LIMCH1: variants seen among roughly 807,000 people sequenced by gnomAD.
LIMCH1 encodes LIM and calponin homology domains 1.
Under a neutral mutation model 176.5 loss-of-function variants are expected in LIMCH1, and 113 were observed. The ratio of observed to expected loss-of-function variants is 0.64; its 90% CI spans 0.55 to 0.75. LIMCH1 has a LOEUF of 0.75. Among genes scored for constraint, LIMCH1 ranks in the 30% least tolerant of loss-of-function variants. The probability of loss-of-function intolerance (pLI) is 0.00; values close to 1 mark genes in which losing one functional copy is unlikely to be tolerated. For synonymous variants in LIMCH1, 619 were observed against 645.9 expected (o/e 0.96, Z 0.63); for missense variants, 1,674 against 1,814.9 (o/e 0.92, Z 1.41).
intron 2 of LIMCH1, among the ~76,000 whole-genome samples, chr4:41,500,920 A>T (rs1469426322): frequency 6.6e-6 from 1 of 152,200 alleles, no homozygotes; most frequent in Non-Finnish European, 1.5e-5. Context: ...TTGAGACCAG[A>T]TGGAGACAAA....
intron 3 of LIMCH1, among the ~76,000 whole-genome samples, chr4:41,530,387 C>T (rs1353620787): frequency 6.6e-6 from 1 of 152,198 alleles, no homozygotes; most frequent in Non-Finnish European, 1.5e-5. Flanking sequence ...TGTGCCTCAA[C>T]TCATCCTGAT....
At chr4:41,436,445 A>G (rs779252909) in intron 1 of LIMCH1, among the ~76,000 whole-genome samples, 7 of 152,154 alleles carry the variant, frequency 4.6e-5, no homozygotes, top group Admixed American at 3.3e-4. Flanking sequence ...TAATGTCCAT[A>G]TGTTGGGGAC....
At chr4:41,422,139 T>A (rs1448112607) in intron 1 of LIMCH1, among the ~76,000 whole-genome samples, 1 of 152,116 alleles carries the variant, frequency 6.6e-6, no homozygotes, top group Non-Finnish European at 1.5e-5. Context: ...ATTAGAGACT[T>A]TTCTCAATGG....
At chr4:41,510,619 A>T (rs115141565) in intron 2 of LIMCH1, among the ~76,000 whole-genome samples, 439 of 151,156 alleles carry the variant, frequency 2.9e-3, no homozygotes, top group Non-Finnish European at 5.2e-3. Context: ...ATGGAGTTTC[A>T]TTCTTGTCGC....
At chr4:41,547,861 G>GTATA (rs746652816) in intron 1 of LIMCH1, among the ~76,000 whole-genome samples, 2,464 of 84,550 alleles carry the variant, frequency 0.029, 30 homozygotes, top group South Asian at 0.045. Flanking sequence ...ATTTGTGTGT[G>GTATA]TGTATATATA....
At chr4:41,624,095 T>C (rs569188152) in intron 7 of LIMCH1, among the ~76,000 whole-genome samples, 5 of 152,336 alleles carry the variant, frequency 3.3e-5, no homozygotes, top group African/African-American at 9.6e-5. Flanking sequence ...TTCCCCTGAA[T>C]TAAAATGCCA....
In LIMCH1 at chr4:41,451,377, C is replaced by T. The variant is rs193086140; in HGVS notation, c.97-43159C>T. On this transcript the variant is annotated intron_variant, in intron 1 of 26. Transcript: ENST00000313860. ...CTGACCTCAGGTAATCTGCCTGCCTCGGCCTCCCAAAGTGCTGGGATTACA... is the reference window on the plus strand; with the variant it reads ...CTGACCTCAGGTAATCTGCCTGCCTTGGCCTCCCAAAGTGCTGGGATTACA... Among the ~76,000 whole-genome samples the T allele has an allele frequency of 4.6e-5, 7 of 152,124 alleles. No homozygotes were observed. The East Asian group carries it at 1.2e-3, about 25-fold the overall frequency.
intron 1 of LIMCH1, among the ~76,000 whole-genome samples, chr4:41,429,860 G>C (rs2061439699): frequency 7.0e-6 from 1 of 142,898 alleles, no homozygotes; most frequent in Non-Finnish European, 1.5e-5. Flanking sequence ...CCTGTCACCA[G>C]TTACAAGGGA....
chr4:41,439,423 T>TA (rs1002063342), intron 1 of LIMCH1, among the ~76,000 whole-genome samples: 4 of 151,698 alleles, frequency 2.6e-5, no homozygotes, highest in African/African-American at 9.7e-5. Flanking sequence ...CCCATCTCTA[T>TA]AAAAAATACA....
chr4:41,677,059 A>G (rs2095241198), intron 23 of LIMCH1, among the ~76,000 whole-genome samples: 1 of 151,888 alleles, frequency 6.6e-6, no homozygotes, highest in Non-Finnish European at 1.5e-5. Context: ...GCTACTCGGG[A>G]GGTTGAGACA....
At chr4:41,403,149 T>C (rs16853192) in intron 1 of LIMCH1, among the ~76,000 whole-genome samples, 5,238 of 151,898 alleles carry the variant, frequency 0.034, 286 homozygotes, top group African/African-American at 0.12. Flanking sequence ...AACAGACTAA[T>C]GCTGTAAAAG....
intron 1 of LIMCH1, among the ~76,000 whole-genome samples, chr4:41,598,517 A>C (rs1434720879): frequency 6.6e-6 from 1 of 151,606 alleles, no homozygotes; most frequent in Non-Finnish European, 1.5e-5. Context: ...GCTAAAGATG[A>C]AAAACCTTTT....
intron 21 of LIMCH1, among the ~76,000 whole-genome samples, chr4:41,667,022 G>A (rs1389250456): frequency 1.3e-5 from 2 of 151,964 alleles, no homozygotes; most frequent in Non-Finnish European, 2.9e-5. Flanking sequence ...CAGGAGAATC[G>A]CTTGAACCCA....
chr4:41,694,039 A>G (rs2153095139), intron 31 of LIMCH1, among the ~76,000 whole-genome samples: 1 of 152,320 alleles, frequency 6.6e-6, no homozygotes, highest in Non-Finnish European at 1.5e-5. Flanking sequence ...TTTCTCTTAA[A>G]TATACAAATA....
At chr4:41,535,954 TC>T (rs2077889832), upstream of LIMCH1, among the ~76,000 whole-genome samples, 1 of 152,188 alleles carries the variant, frequency 6.6e-6, no homozygotes, top group Non-Finnish European at 1.5e-5. Flanking sequence ...CCACTTGTTC[TC>T]CCTTATCTTT....
chr4:41,659,886 G>A (rs548712540), intron 18 of LIMCH1, among the ~76,000 whole-genome samples: 2 of 152,108 alleles, frequency 1.3e-5, no homozygotes, highest in South Asian at 4.2e-4. Flanking sequence ...TCATTCTAGA[G>A]TCAATTGGCT....
At position 41,665,670 on chromosome 4, in the gene LIMCH1, A is replaced by G. The variant is rs558291472; in HGVS notation, c.3292-891A>G. 9.2e-5 allele frequency among the ~76,000 whole-genome samples: 14 copies of G among 152,304 alleles called. No homozygotes were observed. The East Asian group carries it at 2.7e-3, about 29-fold the overall frequency. On this transcript the variant is annotated intron_variant, in intron 20 of 31. Transcript: ENST00000503057. ...CAGAGAAGGTCCTGCGAGCAGCTGA[A>G]AAAAACATAAATTTATACAGCCACG...
intron 23 of LIMCH1, among the ~76,000 whole-genome samples, chr4:41,679,456 A>G (rs190245320): frequency 6.6e-6 from 1 of 152,278 alleles, no homozygotes; most frequent in Admixed American, 6.5e-5. Context: ...TTTAAAAACT[A>G]CTCTTAATTC....
chr4:41,689,631 T>A lies in LIMCH1; in HGVS notation c.4271T>A (p.Phe1424Tyr). 6.3e-7 allele frequency: 1 copy of A among 1,581,776 alleles called. No homozygotes were observed. Residue 1424 changes from phenylalanine to tyrosine, a missense_variant, in exon 30 of 32, where the codon TTC becomes TAC. Coordinates refer to ENST00000503057, the MANE Select transcript of LIMCH1 (RefSeq NM_001330672.2). ...AATCTCTATTTTCACATCCAGTGTT[T>A]CAGGGTACGTACTTACTGCTTTGCT... The part of the protein sequence containing the change: ...TLNLYFHIQC[F>Y]RCGICKGQLG...
Sources: allele counts gnomAD v4.1 joint callset (sites outside exome capture counted in the v4.1 genomes callset), GRCh38; gene constraint gnomAD v4.1.1; transcripts MANE v1.5; gene names NCBI Gene and HGNC (gene_info 2026-07-23, HGNC 2026-07-21).